Variants in ATP8A1 observed in about 807,000 individuals in gnomAD.
ATP8A1 encodes ATPase phospholipid transporting 8A1.
ATP8A1 carries 90 observed loss-of-function variants against 177.7 expected under a neutral mutation model. That is an observed-to-expected ratio of 0.51 (90% CI 0.43 to 0.60). The LOEUF (loss-of-function observed/expected upper bound fraction) is 0.60, where lower values mean the gene tolerates loss of function less well. Among genes scored for constraint, ATP8A1 ranks in the 20% least tolerant of loss-of-function variants. The pLI, the probability that ATP8A1 is intolerant of heterozygous loss-of-function variation, is 0.00. For synonymous variants in ATP8A1, 493 were observed against 485.9 expected (o/e 1.01, Z -0.19); for missense variants, 1,072 against 1,392.8 (o/e 0.77, Z 3.67).
At chr4:42,420,096 G>T (rs1713716739) in intron 35 of ATP8A1, among the ~76,000 whole-genome samples, 1 of 152,106 alleles carries the variant, frequency 6.6e-6, no homozygotes, top group African/African-American at 2.4e-5. Flanking sequence ...ATAATCCAGG[G>T]GGTAAAATCA....
At chr4:42,597,378 C>T (rs1490884759) in intron 6 of ATP8A1, among the ~76,000 whole-genome samples, 2 of 152,202 alleles carry the variant, frequency 1.3e-5, no homozygotes, top group East Asian at 3.8e-4. Context: ...TTCGCTTGTT[C>T]AATAAACGAT....
chr4:42,558,827 AAACAT>A (rs1236731163), intron 15 of ATP8A1, among the ~76,000 whole-genome samples: 1 of 152,268 alleles, frequency 6.6e-6, no homozygotes, highest in Non-Finnish European at 1.5e-5. Context: ...ATAATTCAGA[AAACAT>A]AATATATAAA....
chr4:42,417,747 A>G (rs1713410253), intron 35 of ATP8A1, among the ~76,000 whole-genome samples: 1 of 152,224 alleles, frequency 6.6e-6, no homozygotes, highest in Middle Eastern at 3.2e-3. Flanking sequence ...ACTCATTAAA[A>G]TAAATCTCCA....
intron 5 of ATP8A1, among the ~76,000 whole-genome samples, chr4:42,605,041 A>G (rs1022566000): frequency 2.0e-5 from 3 of 152,202 alleles, no homozygotes; most frequent in Non-Finnish European, 4.4e-5. Context: ...GACTGTTTAC[A>G]TGTATAGGGT....
intron 30 of ATP8A1, 98 bp from the exon 31 acceptor site, chr4:42,446,742 AG>A: frequency 9.5e-7 from 1 of 1,057,776 alleles, no homozygotes; most frequent in East Asian, 2.6e-5. Context: ...AGGGAAATCA[AG>A]GGATACACAA....
At chr4:42,596,421 G>A (rs191870220) in intron 6 of ATP8A1, among the ~76,000 whole-genome samples, 4 of 152,216 alleles carry the variant, frequency 2.6e-5, no homozygotes, top group Admixed American at 2.0e-4. Flanking sequence ...TGTAATCCCC[G>A]TACTTTGGGA....
Position 42,624,624 on chromosome 4 carries a change from T to C in ATP8A1, c.275A>G (p.Asp92Gly), listed in dbSNP as rs754575889. The C allele has an allele frequency of 7.1e-7, 1 of 1,403,848 alleles. No individual in the cohort carries two copies. Among genetic ancestry groups the C allele is most frequent in the South Asian group, 1.8e-5 (1 of 56,888 alleles). The allele number at this position is 1,403,848 out of a possible 1,614,324, so 87.0% of individuals were successfully genotyped here. Residue 92 changes from aspartate to glycine, a missense_variant, in exon 4 of 37, where the codon GAT becomes GGT. Transcript: ENST00000381668. Reference sequence around the variant, plus strand: ...TGTATAACGACCTGTTGGTGACACATCAGGTATTTGCTGTTTGGAAAAAAA... The same window carrying C: ...TGTATAACGACCTGTTGGTGACACACCAGGTATTTGCTGTTTGGAAAAAAA... ...LFIALLQQIP[D>G]VSPTGRYTTL...
rs769708156 is a variant in ATP8A1, at chr4:42,455,421, T to TA, written c.2695-3dup. 1 of 1,613,756 alleles carries TA rather than the reference T, an allele frequency of 6.2e-7. No individual in the cohort carries two copies. Among genetic ancestry groups the TA allele is most frequent in the African/African-American group, 1.3e-5 (1 of 74,920 alleles). On this transcript the variant is annotated splice_polypyrimidine_tract_variant and splice_region_variant and intron_variant, in intron 28 of 36. Transcript: ENST00000381668. The stretch of plus-strand genomic sequence containing the variant: ...TAAAGGAGGCATTGCTGTAAACATC[T>TA]AAAGCGCACAAACTGGTCATTATGT...
chr4:42,657,020 GCGCGGCCCCCGCA>G lies in ATP8A1; in HGVS notation c.-160_-148del. ...CCACCTAGGGCAGAGCTGCCGCCGG[GCGCGGCCCCCGCA>G]CGCCGACAGGAGGAGGAGAAAGGCA... is the stretch of plus-strand genomic sequence containing the variant. On this transcript the variant is annotated 5_prime_UTR_variant, in exon 1 of 37. Coordinates refer to ENST00000381668, the MANE Select transcript of ATP8A1 (RefSeq NM_006095.2). 1 of 810,658 alleles carries G rather than the reference GCGCGGCCCCCGCA, an allele frequency of 1.2e-6. No individual in the cohort carries two copies. Among genetic ancestry groups the G allele is most frequent in the Non-Finnish European group, 1.7e-6 (1 of 601,858 alleles). 50.2% of individuals were successfully genotyped at this position (810,658 alleles called of 1,614,324 possible).
chr4:42,496,198 T>G (rs533991312), intron 24 of ATP8A1, among the ~76,000 whole-genome samples: 6 of 152,258 alleles, frequency 3.9e-5, no homozygotes, highest in Non-Finnish European at 4.4e-5. Context: ...GTGTCCAGTC[T>G]GTGTTTCAGC....
intron 6 of ATP8A1, among the ~76,000 whole-genome samples, chr4:42,599,611 T>C (rs1735048868): frequency 6.6e-6 from 1 of 152,118 alleles, no homozygotes; most frequent in Admixed American, 6.5e-5. Context: ...CCTGCAGAAA[T>C]ACAAGATGAC....
At chr4:42,472,742 T>C (rs1164127015) in intron 25 of ATP8A1, among the ~76,000 whole-genome samples, 1 of 98,100 alleles carries the variant, frequency 1.0e-5, no homozygotes, top group African/African-American at 3.4e-5. Context: ...AGTGCGAGAC[T>C]GTCTCAAAAA....
chr4:42,586,260 G>T, intron 9 of ATP8A1, 89 bp downstream of exon 9: 1 of 1,458,984 alleles, frequency 6.9e-7, no homozygotes, highest in Non-Finnish European at 9.3e-7. Context: ...TAGCACACAA[G>T]AAGATAATAT....
At chr4:42,477,979 T>C (rs1721258257) in intron 25 of ATP8A1, among the ~76,000 whole-genome samples, 1 of 151,212 alleles carries the variant, frequency 6.6e-6, no homozygotes, top group African/African-American at 2.4e-5. Flanking sequence ...GACTCTACCT[T>C]CTCAAAAACA....
chr4:42,556,243 T>A (rs141351551), intron 15 of ATP8A1: 1 of 397,330 alleles, frequency 2.5e-6, no homozygotes, highest in African/African-American at 2.1e-5. Context: ...ATGTGAAAGA[T>A]GTTTGCAGTG....
At chr4:42,575,391 A>T (rs982124533) in intron 13 of ATP8A1, among the ~76,000 whole-genome samples, 2 of 152,220 alleles carry the variant, frequency 1.3e-5, no homozygotes, top group African/African-American at 4.8e-5. Context: ...ACCAAGGGAC[A>T]TCTCGAAGCT....
At chr4:42,633,152 A>G (rs895578453) in intron 1 of ATP8A1, among the ~76,000 whole-genome samples, 4 of 152,370 alleles carry the variant, frequency 2.6e-5, no homozygotes, top group African/African-American at 9.6e-5. Context: ...AAAGCTAAGC[A>G]GTGACTATAA....
chr4:42,522,419 A>G, intron 21 of ATP8A1, 120 bp from the exon 22 acceptor site: 3 of 1,124,242 alleles, frequency 2.7e-6, no homozygotes, highest in Non-Finnish European at 3.8e-6. Context: ...AAACAATATG[A>G]TGAAGTCCAA....
At chr4:42,651,714 C>T (rs1367697170) in intron 1 of ATP8A1, among the ~76,000 whole-genome samples, 1 of 152,186 alleles carries the variant, frequency 6.6e-6, no homozygotes, top group Non-Finnish European at 1.5e-5. Context: ...AACTATTGTA[C>T]ATGATGGCTG....
Sources: allele counts gnomAD v4.1 joint callset (sites outside exome capture counted in the v4.1 genomes callset), GRCh38; gene constraint gnomAD v4.1.1; transcripts MANE v1.5; gene names NCBI Gene and HGNC (gene_info 2026-07-23, HGNC 2026-07-21).